Variants in KCNIP4 observed in about 807,000 individuals in gnomAD.
KCNIP4 encodes the protein Kv channel-interacting protein 4.
KCNIP4 carries 12 observed loss-of-function variants against 34.0 expected under a neutral mutation model. The ratio of observed to expected loss-of-function variants is 0.35; its 90% CI spans 0.23 to 0.57. The LOEUF (loss-of-function observed/expected upper bound fraction) is 0.57, where lower values mean the gene tolerates loss of function less well. Ranked by LOEUF, KCNIP4 falls within the 20% of genes least tolerant of loss-of-function variation. KCNIP4 has a pLI of 0.83. For missense variants in KCNIP4, 238 were observed against 311.7 expected, an observed-to-expected ratio of 0.76 and a Z score of 1.78; for synonymous variants, 124 against 102.2, an observed-to-expected ratio of 1.21 and a Z score of -1.29.
At chr4:21,299,380 C>T (rs959935320) in intron 1 of KCNIP4, among the ~76,000 whole-genome samples, 1 of 151,940 alleles carries the variant, frequency 6.6e-6, no homozygotes, top group Admixed American at 6.6e-5. Flanking sequence ...AAATCTTTTT[C>T]TTCCAATAGT....
intron 1 of KCNIP4, among the ~76,000 whole-genome samples, chr4:21,551,368 TA>T (rs1738568501): frequency 6.6e-6 from 1 of 152,080 alleles, no homozygotes; most frequent in South Asian, 2.1e-4. Flanking sequence ...CCACACTGAA[TA>T]ACTGTAATTT....
intron 1 of KCNIP4, among the ~76,000 whole-genome samples, chr4:21,657,317 G>A (rs1163134250): frequency 1.3e-5 from 2 of 151,868 alleles, no homozygotes; most frequent in African/African-American, 4.8e-5. Context: ...ATTATTTTCC[G>A]GTCCATGTCT....
chr4:21,201,199 T>C (rs548654990), intron 1 of KCNIP4, among the ~76,000 whole-genome samples: 2 of 152,356 alleles, frequency 1.3e-5, no homozygotes, highest in East Asian at 3.9e-4. Context: ...CTTTCTGTTT[T>C]AGCAGTATCT....
At chr4:21,604,367 G>A (rs1743466787) in intron 1 of KCNIP4, among the ~76,000 whole-genome samples, 1 of 152,092 alleles carries the variant, frequency 6.6e-6, no homozygotes, top group South Asian at 2.1e-4. Flanking sequence ...AAGGGGTAAA[G>A]GAATTTAAGT....
intron 1 of KCNIP4, among the ~76,000 whole-genome samples, chr4:21,623,842 C>T (rs1745143705): frequency 6.6e-6 from 1 of 152,128 alleles, no homozygotes; most frequent in Admixed American, 6.5e-5. Context: ...CCAGAAATAC[C>T]AGCTTAGTAG....
At chr4:21,774,674 A>G (rs1168485991) in intron 1 of KCNIP4, among the ~76,000 whole-genome samples, 1 of 152,106 alleles carries the variant, frequency 6.6e-6, no homozygotes, top group South Asian at 2.1e-4. Flanking sequence ...ACAAGAATGC[A>G]TATCTTATTT....
intron 3 of KCNIP4, among the ~76,000 whole-genome samples, chr4:20,841,093 T>C (rs565779093): frequency 1.3e-5 from 2 of 152,192 alleles, no homozygotes; most frequent in Admixed American, 6.5e-5. Context: ...AAAGGAGCCA[T>C]GCTCTTTCAC....
intron 3 of KCNIP4, among the ~76,000 whole-genome samples, chr4:20,824,613 G>A (rs1221637366): frequency 6.6e-6 from 1 of 152,180 alleles, no homozygotes; most frequent in Non-Finnish European, 1.5e-5. Context: ...CCTGGAGGCA[G>A]AGGTTGCAGT....
chr4:21,319,964 C>T (rs925106512), intron 1 of KCNIP4, among the ~76,000 whole-genome samples: 1 of 152,096 alleles, frequency 6.6e-6, no homozygotes, highest in African/African-American at 2.4e-5. Context: ...AAATCCTTTT[C>T]AGTTATATTT....
At chr4:21,261,482 C>T (rs556994191) in intron 1 of KCNIP4, among the ~76,000 whole-genome samples, 1 of 152,260 alleles carries the variant, frequency 6.6e-6, no homozygotes, top group East Asian at 1.9e-4. Flanking sequence ...ATCAATTACA[C>T]TCCTGTGTCA....
At chr4:20,763,128 G>A (rs1207423936) in intron 3 of KCNIP4, among the ~76,000 whole-genome samples, 2 of 152,122 alleles carry the variant, frequency 1.3e-5, no homozygotes, top group Non-Finnish European at 2.9e-5. Context: ...AATTCAAGAT[G>A]AGATTTGGGT....
intron 1 of KCNIP4, among the ~76,000 whole-genome samples, chr4:21,672,688 T>A (rs919510244): frequency 1.3e-5 from 2 of 152,242 alleles, no homozygotes; most frequent in African/African-American, 2.4e-5. Flanking sequence ...ATGTTCCAGG[T>A]GTCCTTTGTG....
intron 1 of KCNIP4, among the ~76,000 whole-genome samples, chr4:21,885,837 C>G (rs1726732971): frequency 6.6e-6 from 1 of 152,112 alleles, no homozygotes; most frequent in Non-Finnish European, 1.5e-5. Context: ...CTGATGATCA[C>G]ATGAAGCTTG....
chr4:20,765,113 G>C (rs563282814), intron 3 of KCNIP4, among the ~76,000 whole-genome samples: 8 of 152,276 alleles, frequency 5.3e-5, no homozygotes, highest in African/African-American at 1.7e-4. Flanking sequence ...TCAGCAAATA[G>C]TTCATATGCC....
At chr4:21,752,767 G>T (rs1402306139) in intron 1 of KCNIP4, among the ~76,000 whole-genome samples, 1 of 152,068 alleles carries the variant, frequency 6.6e-6, no homozygotes, top group Non-Finnish European at 1.5e-5. Flanking sequence ...GTTTTGTTTT[G>T]TTATAGCTAG....
At chr4:21,300,448 T>C (rs1318977392) in intron 1 of KCNIP4, among the ~76,000 whole-genome samples, 1 of 152,144 alleles carries the variant, frequency 6.6e-6, no homozygotes, top group Non-Finnish European at 1.5e-5. Context: ...CTCATTATTA[T>C]TTTCATGCCT....
At chr4:21,900,618 A>C (rs1355564701) in intron 1 of KCNIP4, among the ~76,000 whole-genome samples, 8 of 152,200 alleles carry the variant, frequency 5.3e-5, no homozygotes, top group Non-Finnish European at 1.2e-4. Context: ...GTCATTTTTC[A>C]AACTTTTCTA....
chr4:21,426,505 T>A (rs1472613467), intron 1 of KCNIP4, among the ~76,000 whole-genome samples: 1 of 152,222 alleles, frequency 6.6e-6, no homozygotes, highest in Non-Finnish European at 1.5e-5. Flanking sequence ...GAGAAAAATG[T>A]ATAACAACAG....
intron 1 of KCNIP4, among the ~76,000 whole-genome samples, chr4:21,607,615 G>A (rs144212650): frequency 4.9e-4 from 75 of 151,890 alleles, no homozygotes; most frequent in African/African-American, 1.8e-3. Flanking sequence ...CTGGGACTCC[G>A]GGAATCCTTG....
Sources: gnomAD v4.1 joint callset for allele counts (sites outside exome capture counted in the v4.1 genomes callset) on GRCh38, gnomAD v4.1.1 for gene constraint, MANE v1.5 for transcripts, NCBI Gene and HGNC (gene_info 2026-07-23, HGNC 2026-07-21) for gene names.